EPPK1: variants seen among roughly 807,000 people sequenced by gnomAD.
The protein encoded by EPPK1 is epiplakin.
For missense variants in EPPK1, 3,823 were observed against 3,673.3 expected, an observed-to-expected ratio of 1.04 and a Z score of -1.05; for synonymous variants, 1,862 against 1,721.2, an observed-to-expected ratio of 1.08 and a Z score of -2.03.
rs782412026 is a variant in EPPK1, at chr8:143,869,613, A to C, written c.3641T>G (p.Ile1214Ser). The change falls in exon 2 of 2, where the codon ATC (isoleucine) becomes AGC (serine). Residue 1214 changes from isoleucine to serine, a missense_variant. Coordinates refer to ENST00000615648, the MANE Select transcript of EPPK1 (RefSeq NM_031308.4). ...CAGGGCCTCAAGGGTCTCCTGGGTG[A>C]TGATGCCAGCATCCAGCAGCCAGAC... Reference protein sequence around the residue: ...PAVWLLDAGIITQETLEALAQ... With the variant: ...PAVWLLDAGISTQETLEALAQ... The C allele has an allele frequency of 6.3e-7, 1 of 1,576,768 alleles. No individual in the cohort carries two copies. The highest frequency in any genetic ancestry group is 8.6e-7 in the Non-Finnish European group (1 of 1,161,632).
Position 143,857,971 on chromosome 8 carries a change from C to T in EPPK1, c.*16G>A, listed in dbSNP as rs1554657862. ...ACTTCTCCAGAGTTGCAGAAAACTG[C>T]ACGGAGGAAGCCCAGTCACTGTAGA... is the stretch of plus-strand genomic sequence containing the variant. On this transcript the variant is annotated 3_prime_UTR_variant, in exon 2 of 2. Transcript: ENST00000615648. 2 of 1,530,200 alleles carry T rather than the reference C, an allele frequency of 1.3e-6. No homozygotes were observed. The highest frequency in any genetic ancestry group is 1.8e-6 in the Non-Finnish European group (2 of 1,131,070). 94.8% of individuals were successfully genotyped at this position (1,530,200 alleles called of 1,614,324 possible).
At position 143,873,155 on chromosome 8, in the gene EPPK1, G is replaced by A; in HGVS notation, c.99C>T (p.Gly33=). 1 of 1,590,818 alleles carries A rather than the reference G, an allele frequency of 6.3e-7. No individual in the cohort carries two copies. Among genetic ancestry groups the A allele is most frequent in the Non-Finnish European group, 8.5e-7 (1 of 1,171,160 alleles). Residue 33 remains glycine, a synonymous_variant, in exon 2 of 2, where the codon GGC becomes GGT. Transcript: ENST00000615648. ...TCCTGGCCTGGGGCCTGGGGGGCGT[G>A]CCGGCTCCCAGCGTGGCTGCCATGG... ...PRAMAATLGA[G]TPPRPQARSI... is the part of the protein sequence containing the mutation.
At position 143,866,972 on chromosome 8, in the gene EPPK1, G is replaced by A. The variant is rs1435451393; in HGVS notation, c.6282C>T (p.His2094=). ...PVNKAARDSE[H]IDDETRRALE... is the part of the protein sequence containing the mutation. ...GGGCCCTTCTCGTCTCGTCATCGAT[G>A]TGCTCGGAGTCCCGTGCAGCCTTGT... Residue 2094 remains histidine, a synonymous_variant, in exon 2 of 2, where the codon CAC becomes CAT. Transcript: ENST00000615648. 1.2e-6 allele frequency: 2 copies of A among 1,612,660 alleles called. No individual in the cohort carries two copies. The highest frequency in any genetic ancestry group is 3.3e-5 in the Admixed American group (2 of 60,010).
In EPPK1 at chr8:143,866,760, T is replaced by C; in HGVS notation, c.6494A>G (p.Gln2165Arg). The C allele has an allele frequency of 1.9e-6, 3 of 1,613,538 alleles. No individual in the cohort carries two copies. The highest frequency in any genetic ancestry group is 1.6e-4 in the Middle Eastern group (1 of 6,062). ...CCACAGGTGTTTGTTGCTGGTTTCCTGCTTCTCGATCAACTCTAAGATGAG... is the reference window on the plus strand; with the variant it reads ...CCACAGGTGTTTGTTGCTGGTTTCCCGCTTCTCGATCAACTCTAAGATGAG... ...AQLILELIEK[Q>R]ETSNKHLWFQ... is the part of the protein sequence containing the mutation. Residue 2165 changes from glutamine (Q) to arginine (R), a missense_variant, in exon 2 of 2, where the codon CAG becomes CGG. Physicochemically the swap from Gln to Arg is conservative, Grantham distance 43. Coordinates refer to ENST00000615648, the MANE Select transcript of EPPK1 (RefSeq NM_031308.4).
intron 1 of EPPK1, 88 bp downstream of exon 1, chr8:143,878,350 G>GCACGCA (rs1819522040): frequency 1.5e-5 from 2 of 132,474 alleles, no homozygotes; most frequent in Non-Finnish European, 3.3e-5. Flanking sequence ...CCGGCCCCGA[G>GCACGCA]CCCGCACCCG....
Position 143,869,204 on chromosome 8 carries a change from G to A in EPPK1, c.4050C>T (p.Asn1350=), listed in dbSNP as rs533647458. 312 of 1,610,106 alleles carry A rather than the reference G, an allele frequency of 1.9e-4. 2 individuals carry two copies. In the South Asian group the frequency reaches 2.5e-3, roughly 13 times the overall value. The change falls in exon 2 of 2, where the codon AAC becomes AAT. Residue 1350 remains asparagine, a synonymous_variant. Coordinates refer to ENST00000615648, the MANE Select transcript of EPPK1 (RefSeq NM_031308.4). ...QAMEKGLVPQ[N]EGLPLLQVQL... ...GCACCTGCAGGAGGGGCAAGCCCTC[G>A]TTCTGTGGCACGAGCCCCTTCTCCA...
At position 143,870,579 on chromosome 8, in the gene EPPK1, A is replaced by G; in HGVS notation, c.2675T>C (p.Leu892Pro). ...ALRSRVTVHQLLEAGIIDQQL... is the reference protein window; with the variant it reads ...ALRSRVTVHQPLEAGIIDQQL... ...CTGGTCAATGATACCGGCCTCCAGG[A>G]GCTGGTGGACGGTGACCCGGCTCCG... The change falls in exon 2 of 2, where the codon CTC becomes CCC. Residue 892 changes from leucine to proline, a missense_variant. Physicochemically the swap from Leu to Pro is moderately conservative, Grantham distance 98. Transcript: ENST00000615648. The surrounding 1 kb of genome is among the most constrained non-coding windows in gnomAD (Gnocchi z 5.2). 2 of 1,610,864 alleles carry G rather than the reference A, an allele frequency of 1.2e-6. No individual in the cohort carries two copies. Among genetic ancestry groups the G allele is most frequent in the South Asian group, 2.2e-5 (2 of 90,734 alleles).
rs548195746 is a variant in EPPK1 at position 143,869,913 on chromosome 8, G to A, written c.3341C>T (p.Pro1114Leu). 76 of 1,609,288 alleles carry A rather than the reference G, an allele frequency of 4.7e-5. 2 individuals carry two copies. The Admixed American group carries it at 1.2e-3, about 25-fold the overall frequency. ...GAGGGCAGGAGCACTTTCTGGCAGG[G>A]GCAGGAGGTGAAGGCCAGAAGTCTC... ...RDETSGLHLL[P>L]LPESAPALPT... Residue 1114 changes from proline to leucine, a missense_variant, in exon 2 of 2, where the codon CCC (proline) becomes CTC (leucine). Transcript: ENST00000615648.
rs185987090 is a variant in EPPK1, at chr8:143,870,567, C to A, written c.2687G>T (p.Gly896Val). Reference protein sequence around the residue: ...RVTVHQLLEAGIIDQQLLDQV... With the variant: ...RVTVHQLLEAVIIDQQLLDQV... ...GTCCAACAGCTGCTGGTCAATGATACCGGCCTCCAGGAGCTGGTGGACGGT... is the reference window on the plus strand; with the variant it reads ...GTCCAACAGCTGCTGGTCAATGATAACGGCCTCCAGGAGCTGGTGGACGGT... Residue 896 changes from glycine to valine, a missense_variant, in exon 2 of 2, where the codon GGT (glycine) becomes GTT (valine). Coordinates refer to ENST00000615648, the MANE Select transcript of EPPK1 (RefSeq NM_031308.4). The surrounding 1 kb of genome is among the most constrained non-coding windows in gnomAD (Gnocchi z 5.2). The A allele has an allele frequency of 3.6e-4, 581 of 1,611,564 alleles. 7 individuals are homozygous for A. In the East Asian group the frequency reaches 9.9e-3, roughly 27 times the overall value.
rs1554661524 is a variant in EPPK1 at position 143,872,331 on chromosome 8, T to C, written c.923A>G (p.His308Arg). 1 of 1,604,384 alleles carries C rather than the reference T, an allele frequency of 6.2e-7. No individual in the cohort carries two copies. The highest frequency in any genetic ancestry group is 1.1e-5 in the South Asian group (1 of 90,588). The stretch of plus-strand genomic sequence containing the variant: ...CAGCGCGGTGCCCATTGGGAGCAGG[T>C]GCTCGGTGGCAGCCTGGAAAAAGCT... ...KKSFFQAATE[H>R]LLPMGTALPL... is the part of the protein sequence containing the mutation. Residue 308 changes from histidine to arginine, a missense_variant, in exon 2 of 2, where the codon CAC (histidine) becomes CGC (arginine). His to Arg is a conservative substitution (Grantham distance 29). Coordinates refer to ENST00000615648, the MANE Select transcript of EPPK1 (RefSeq NM_031308.4).
In EPPK1 at chr8:143,868,662, C is replaced by T. The variant is rs1554660020; in HGVS notation, c.4592G>A (p.Arg1531Lys). The T allele has an allele frequency of 6.3e-7, 1 of 1,585,520 alleles. No individual in the cohort carries two copies. The highest frequency in any genetic ancestry group is 8.6e-7 in the Non-Finnish European group (1 of 1,167,174). The change falls in exon 2 of 2, where the codon AGG (arginine) becomes AAG (lysine). Residue 1531 changes from arginine (R) to lysine (K), a missense_variant. Physicochemically the swap from Arg to Lys is conservative, Grantham distance 26. Transcript: ENST00000615648. ...GATCAGCTGCGCCCTGAACAGGTCC[C>T]TGGCTGACACCTGCTTCCGGAGCCC... is the stretch of plus-strand genomic sequence containing the variant. Reference protein sequence around the residue: ...FRGLRKQVSARDLFRAQLISR... With the variant: ...FRGLRKQVSAKDLFRAQLISR...
At position 143,858,062 on chromosome 8, in the gene EPPK1, C is replaced by G. The variant is rs781913573; in HGVS notation, c.15192G>C (p.Thr5064=). Residue 5064 remains threonine, a synonymous_variant, in exon 2 of 2, where the codon ACG becomes ACC. Coordinates refer to ENST00000615648, the MANE Select transcript of EPPK1 (RefSeq NM_031308.4). ...FFDPNTHENL[T]YLQLLQRATL... ...TGGCCCTCTGCAGAAGCTGCAGGTA[C>G]GTGAGGTTCTCGTGCGTGTTGGGGT... is the stretch of plus-strand genomic sequence containing the variant. The G allele has an allele frequency of 1.9e-6, 3 of 1,613,380 alleles. No homozygotes were observed. Among genetic ancestry groups the G allele is most frequent in the Non-Finnish European group, 2.5e-6 (3 of 1,179,956 alleles).
In EPPK1 at chr8:143,867,764, G is replaced by C; in HGVS notation, c.5490C>G (p.Ile1830Met). The C allele has an allele frequency of 1.9e-6, 3 of 1,613,744 alleles. No homozygotes were observed. The highest frequency in any genetic ancestry group is 2.5e-6 in the Non-Finnish European group (3 of 1,179,858). Residue 1830 changes from isoleucine (I) to methionine (M), a missense_variant, in exon 2 of 2, where the codon ATC (isoleucine) becomes ATG (methionine). Coordinates refer to ENST00000615648, the MANE Select transcript of EPPK1 (RefSeq NM_031308.4). ...CTGTTTCTTCAATTGTCGTGGTGATGATTTCCAGCAATTTCTCCAGGCCCC... is the reference window on the plus strand; with the variant it reads ...CTGTTTCTTCAATTGTCGTGGTGATCATTTCCAGCAATTTCTCCAGGCCCC... ...QSGGLEKLLE[I>M]ITTTIEETET...
chr8:143,870,113 T>G lies in EPPK1; in HGVS notation c.3141A>C (p.Gly1047=). 1 of 1,611,092 alleles carries G rather than the reference T, an allele frequency of 6.2e-7. No homozygotes were observed. Among genetic ancestry groups the G allele is most frequent in the Non-Finnish European group, 8.5e-7 (1 of 1,179,196 alleles). Residue 1047 remains glycine (G), a synonymous_variant, in exon 2 of 2, where the codon GGA becomes GGC. Transcript: ENST00000615648. This position sits in a 1 kb window ranked among gnomAD's most constrained non-coding sequence, Gnocchi z 5.2. ...GGTGGCTGGTGGGGTCAATGATCCC[T>G]CCTGTGGCCACTTGAGCCTCCAGGA... is the stretch of plus-strand genomic sequence containing the variant. The part of the protein sequence containing the change: ...ARLLEAQVAT[G]GIIDPTSHHH...
chr8:143,870,264 AGCTCCG>A lies in EPPK1; in HGVS notation c.2984_2989del (p.Pro995_Glu996del). On this transcript the variant is annotated inframe_deletion, in exon 2 of 2. Coordinates refer to ENST00000615648, the MANE Select transcript of EPPK1 (RefSeq NM_031308.4). The surrounding 1 kb of genome is among the most constrained non-coding windows in gnomAD (Gnocchi z 5.2). ...CTCAGCCCGCTTCAGCCTGCCATACAGCTCCGGCCCCACCACACCCCTGCGCACGGC... is the reference window on the plus strand; with the variant it reads ...CTCAGCCCGCTTCAGCCTGCCATACAGCCCCACCACACCCCTGCGCACGGC... The A allele has an allele frequency of 6.3e-7, 1 of 1,596,892 alleles. No homozygotes were observed. The highest frequency in any genetic ancestry group is 8.5e-7 in the Non-Finnish European group (1 of 1,174,582).
Position 143,869,005 on chromosome 8 carries a change from G to A in EPPK1, c.4249C>T (p.Leu1417Phe). 4 of 1,610,246 alleles carry A rather than the reference G, an allele frequency of 2.5e-6. No homozygotes were observed. The highest frequency in any genetic ancestry group is 3.4e-6 in the Non-Finnish European group (4 of 1,179,838). The change falls in exon 2 of 2, where the codon CTC becomes TTC. Residue 1417 changes from leucine (L) to phenylalanine (F), a missense_variant. By Grantham distance (22) the Leu-to-Phe change is conservative. Coordinates refer to ENST00000615648, the MANE Select transcript of EPPK1 (RefSeq NM_031308.4). ...GAGTCGCACACGCAGCGCTCCCTGA[G>A]CTGCTGGTAGGTCACCTGGTCCCGC... ...SARDQVTYQQ[L>F]RERCVCDSET...
Position 143,867,430 on chromosome 8 carries a change from C to T in EPPK1, c.5824G>A (p.Asp1942Asn), listed in dbSNP as rs1554659479. 1.9e-6 allele frequency: 3 copies of T among 1,612,752 alleles called. No individual in the cohort carries two copies. Among genetic ancestry groups the T allele is most frequent in the Admixed American group, 1.7e-5 (1 of 60,020 alleles). ...GAGAGCTTCTGGCGGGTGCAGGGGT[C>T]CAGGAGGAACCCGGTGGCGGCCTGC... Reference protein sequence around the residue: ...EAQAATGFLLDPCTRQKLSVD... With the variant: ...EAQAATGFLLNPCTRQKLSVD... Residue 1942 changes from aspartate (D) to asparagine (N), a missense_variant, in exon 2 of 2, where the codon GAC (aspartate) becomes AAC (asparagine). By Grantham distance (23) the Asp-to-Asn change is conservative. Coordinates refer to ENST00000615648, the MANE Select transcript of EPPK1 (RefSeq NM_031308.4).
At chr8:143,873,542 G>A (rs1193715108) in intron 1 of EPPK1, among the ~76,000 whole-genome samples, 1 of 152,068 alleles carries the variant, frequency 6.6e-6, no homozygotes, top group Non-Finnish European at 1.5e-5. Flanking sequence ...GGCCTCTCGG[G>A]ACTCCAGGGC....
At position 143,857,768 on chromosome 8, in the gene EPPK1, C is replaced by T. The variant is rs964746166; in HGVS notation, c.*219G>A. On this transcript the variant is annotated 3_prime_UTR_variant, in exon 2 of 2. Transcript: ENST00000615648. ...AAAGTAAAACCATATGACACATAGA[C>T]GACCCAGAAAACACACCAAAAAACT... is the stretch of plus-strand genomic sequence containing the variant. 2.1e-5 allele frequency: 10 copies of T among 477,324 alleles called. No individual in the cohort carries two copies. Among genetic ancestry groups the T allele is most frequent in the Admixed American group, 7.6e-5 (2 of 26,326 alleles). The allele number at this position is 477,324 out of a possible 1,614,324, so 29.6% of individuals were successfully genotyped here. A position where few individuals can be genotyped will look rare whatever the true frequency, so the allele number is the denominator to read the frequency against.
Sources: gnomAD v4.1 joint callset for allele counts (sites outside exome capture counted in the v4.1 genomes callset) on GRCh38, gnomAD v4.1.1 for gene constraint, Gnocchi (gnomAD v3.1) non-coding constraint, MANE v1.5 for transcripts, NCBI Gene and HGNC (gene_info 2026-07-23, HGNC 2026-07-21) for gene names.